Variants in MYH2 observed in about 807,000 individuals in gnomAD.
MYH2 encodes the protein myosin-2.
MYH2 carries 139 observed loss-of-function variants against 228.1 expected under a neutral mutation model. The ratio of observed to expected loss-of-function variants is 0.61; its 90% confidence interval spans 0.53 to 0.70. The LOEUF (loss-of-function observed/expected upper bound fraction) is 0.70. MYH2 is among the 30% of genes least tolerant of loss of function. The pLI is 0.00. For synonymous variants in MYH2, 796 were observed against 871.1 expected (o/e 0.91, Z 1.52); for missense variants, 1,809 against 2,357.5 (o/e 0.77, Z 4.82).
At position 10,545,631 on chromosome 17, in the gene MYH2, C is replaced by T. The variant is rs1033123913; in HGVS notation, c.349-129G>A. The T allele has an allele frequency of 6.5e-5, 82 of 1,260,916 alleles. 3 individuals are homozygous for T. The South Asian group carries it at 7.6e-4, about 12-fold the overall frequency. 78.1% of individuals were successfully genotyped at this position (1,260,916 alleles called of 1,614,324 possible). The stretch of plus-strand genomic sequence containing the variant: ...CCAGGCTGGAGTGCAGTGGTGCTAC[C>T]TCAGCTCACTGCAGCCCCAACCTCC... On this transcript the variant is annotated intron_variant, in intron 4 of 39. Transcript: ENST00000245503.
chr17:10,531,982 C>G (rs563009867), intron 21 of MYH2, 94 bp from the exon 22 acceptor site: 2 of 1,493,072 alleles, frequency 1.3e-6, no homozygotes, highest in African/African-American at 2.8e-5. Flanking sequence ...TCACCTTGTT[C>G]CTACTCTGCT....
Position 10,537,989 on chromosome 17 carries a change from A to G in MYH2, c.1417-154T>C. 7.1e-7 allele frequency: 1 copy of G among 1,405,956 alleles called. No individual in the cohort carries two copies. Among genetic ancestry groups the G allele is most frequent in the Non-Finnish European group, 9.6e-7 (1 of 1,041,010 alleles). The allele number at this position is 1,405,956 out of a possible 1,614,324, so 87.1% of individuals were successfully genotyped here. A position where few individuals can be genotyped will look rare whatever the true frequency, so the allele number is the denominator to read the frequency against. On this transcript the variant is annotated intron_variant, in intron 14 of 39. Coordinates refer to ENST00000245503, the MANE Select transcript of MYH2 (RefSeq NM_017534.6). The surrounding 1 kb of genome is among the most constrained non-coding windows in gnomAD (Gnocchi z 4.0). Reference sequence around the variant, plus strand: ...AGAGACTTTGAAATAAAAGGTGAAAAGTATGGAAGGTTTGAGGGCATGTGG... The same window carrying G: ...AGAGACTTTGAAATAAAAGGTGAAAGGTATGGAAGGTTTGAGGGCATGTGG...
chr17:10,546,969 T>C (rs2073643299), intron 4 of MYH2, among the ~76,000 whole-genome samples: 1 of 150,298 alleles, frequency 6.7e-6, no homozygotes, highest in Non-Finnish European at 1.5e-5. Flanking sequence ...CACATGCCTG[T>C]AATCCCAGCT....
chr17:10,525,017 A>G lies in MYH2; in HGVS notation c.4711T>C (p.Leu1571=), dbSNP rs780401682. Residue 1571 remains leucine, a synonymous_variant, in exon 34 of 40, where the codon TTG becomes CTG. Transcript: ENST00000245503. The surrounding 1 kb of genome is among the most constrained non-coding windows in gnomAD (Gnocchi z 4.2). ...EGKILRIQLE[L]NQVKSEVDRK... is the part of the protein sequence containing the mutation. ...TCAACCTCAGACTTGACTTGGTTCA[A>G]CTCAAGCTGGATGCGCAGGATCTTT... The G allele has an allele frequency of 1.2e-6, 2 of 1,614,096 alleles. No individual in the cohort carries two copies. Among genetic ancestry groups the G allele is most frequent in the East Asian group, 2.2e-5 (1 of 44,870 alleles).
rs534448595 is a variant in MYH2 at position 10,547,721 on chromosome 17, C to T, written c.200G>A (p.Gly67Glu). The change falls in exon 3 of 40, where the codon GGA becomes GAA. Residue 67 changes from glycine (G) to glutamate (E), a missense_variant. Physicochemically the swap from Gly to Glu is moderately conservative, Grantham distance 98 (BLOSUM62 -2). Transcript: ENST00000245503. ...GGKVTVKTEGGATLTVKDDQV... is the reference protein window; with the variant it reads ...GGKVTVKTEGEATLTVKDDQV... Reference sequence around the variant, plus strand: ...AGCTCCTGGGATTCTACTCACCGCTCCTCCCTCAGTCTTCACCGTCACTTT... The same window carrying T: ...AGCTCCTGGGATTCTACTCACCGCTTCTCCCTCAGTCTTCACCGTCACTTT... The T allele has an allele frequency of 3.2e-5, 51 of 1,614,200 alleles. No individual in the cohort carries two copies. The South Asian group carries it at 5.4e-4, about 17-fold the overall frequency.
Position 10,542,982 on chromosome 17 carries a change from A to G in MYH2, c.806-9T>C, listed in dbSNP as rs1234604400. On this transcript the variant is annotated splice_polypyrimidine_tract_variant and intron_variant, in intron 9 of 39. Coordinates refer to ENST00000245503, the MANE Select transcript of MYH2 (RefSeq NM_017534.6). ...AGACTTCTCTAGCAGATCTGGAAGG[A>G]AACAAATAACACATAAGAAAATTGT... 3 of 1,606,608 alleles carry G rather than the reference A, an allele frequency of 1.9e-6. No individual in the cohort carries two copies. Among genetic ancestry groups the G allele is most frequent in the Non-Finnish European group, 2.6e-6 (3 of 1,173,374 alleles).
chr17:10,524,607 G>A lies in MYH2; in HGVS notation c.5034C>T (p.Ala1678=), dbSNP rs1042236. 0.19 allele frequency: 300,692 copies of A among 1,613,808 alleles called. 39,588 individuals are homozygous for A. Among genetic ancestry groups the A allele is most frequent in the East Asian group, 0.74 (33,168 of 44,850 alleles). ...GCAGGTTGGCTCTGCGCTCCACCAT[G>A]GCCAGCTGTTCCTTCAGGTCCTCCT... The part of the protein sequence containing the change: ...RSQEDLKEQL[A]MVERRANLLQ... The change falls in exon 35 of 40, where the codon GCC becomes GCT. Residue 1678 remains alanine, a synonymous_variant. Coordinates refer to ENST00000245503, the MANE Select transcript of MYH2 (RefSeq NM_017534.6). This position sits in a 1 kb window ranked among gnomAD's most constrained non-coding sequence, Gnocchi z 4.7.
intron 19 of MYH2, 102 bp downstream of exon 19, chr17:10,534,968 TGAC>T (rs1295304646): frequency 3.0e-6 from 4 of 1,339,434 alleles, no homozygotes; most frequent in Non-Finnish European, 4.3e-6. Flanking sequence ...CTTCTTTTTG[TGAC>T]AAAACTAACA....
Position 10,531,649 on chromosome 17 carries a change from T to C in MYH2, c.2681A>G (p.Gln894Arg). ...CCAACTCACAGCCTGAACTTGGAGC[T>C]GCAAGTCATTTTTTTCTTTCAACAG... ...VTLLKEKNDLQLQVQAEAEGL... is the reference protein window; with the variant it reads ...VTLLKEKNDLRLQVQAEAEGL... Residue 894 changes from glutamine (Q) to arginine (R), a missense_variant, in exon 22 of 40, where the codon CAG becomes CGG. Gln to Arg is a conservative substitution (Grantham distance 43, BLOSUM62 1). Transcript: ENST00000245503. 1 of 1,614,216 alleles carries C rather than the reference T, an allele frequency of 6.2e-7. No homozygotes were observed. The highest frequency in any genetic ancestry group is 8.5e-7 in the Non-Finnish European group (1 of 1,180,034).
chr17:10,547,603 C>T lies in MYH2; in HGVS notation c.220G>A (p.Asp74Asn), dbSNP rs750098425. 2 of 1,614,044 alleles carry T rather than the reference C, an allele frequency of 1.2e-6. No homozygotes were observed. The highest frequency in any genetic ancestry group is 1.3e-5 in the African/African-American group (1 of 74,908). ...GGGTTCATGGGGAAGACCTGATCAT[C>T]CTTCACTGTCAGAGTCTGGTAAACA... The part of the protein sequence containing the change: ...TEGGATLTVK[D>N]DQVFPMNPPK... The change falls in exon 4 of 40, where the codon GAT becomes AAT. Residue 74 changes from aspartate (D) to asparagine (N), a missense_variant. Asp to Asn is a conservative substitution (Grantham distance 23). Around this residue, in one of 9 missense-constraint regions of MYH2, gnomAD observed 373 missense variants for 620.4 expected, o/e 0.60. Transcript: ENST00000245503.
In MYH2 at chr17:10,535,201, A is replaced by C; in HGVS notation, c.2063-11T>G. 1 of 1,614,076 alleles carries C rather than the reference A, an allele frequency of 6.2e-7. No individual in the cohort carries two copies. Among genetic ancestry groups the C allele is most frequent in the Non-Finnish European group, 8.5e-7 (1 of 1,179,980 alleles). On this transcript the variant is annotated splice_polypyrimidine_tract_variant and intron_variant, in intron 18 of 39. Transcript: ENST00000245503. ...CATGCTCCATGGCACCTAAAAATGCATATTTATTTCACTGCAGAGCTGTTG... is the reference window on the plus strand; with the variant it reads ...CATGCTCCATGGCACCTAAAAATGCCTATTTATTTCACTGCAGAGCTGTTG...
At position 10,539,638 on chromosome 17, in the gene MYH2, A is replaced by G. The variant is rs991891255; in HGVS notation, c.1148-76T>C. On this transcript the variant is annotated intron_variant, in intron 12 of 39. Coordinates refer to ENST00000245503, the MANE Select transcript of MYH2 (RefSeq NM_017534.6). ...CTTCCTTAAAAATATTTTTTAAACT[A>G]CAAGTATTTTGTGCAGTGTTTTAAA... The G allele has an allele frequency of 1.2e-5, 17 of 1,424,046 alleles. No homozygotes were observed. In the African/African-American group the frequency reaches 2.3e-4, roughly 19 times the overall value. The allele number at this position is 1,424,046 out of a possible 1,614,324, so 88.2% of individuals were successfully genotyped here. A position where few individuals can be genotyped will look rare whatever the true frequency, so the allele number is the denominator to read the frequency against.
Position 10,529,623 on chromosome 17 carries a change from C to A in MYH2, c.3058G>T (p.Glu1020Ter). The change falls in exon 24 of 40, where the codon GAG becomes TAG. Residue 1020 changes from glutamate to a stop codon, truncating the protein, a stop_gained. Coordinates refer to ENST00000245503, the MANE Select transcript of MYH2 (RefSeq NM_017534.6). LOFTEE classifies it high-confidence loss of function. ...QQTLDDLQAEEDKVNTLTKAK... is the reference protein window; with the variant it reads ...QQTLDDLQAE ...TTGGTCAGGGTGTTGACTTTGTCCTCCTCTGCCTGCAGGTCATCCAGGGTC... is the reference window on the plus strand; with the variant it reads ...TTGGTCAGGGTGTTGACTTTGTCCTACTCTGCCTGCAGGTCATCCAGGGTC... 1 of 1,614,108 alleles carries A rather than the reference C, an allele frequency of 6.2e-7. No individual in the cohort carries two copies. The highest frequency in any genetic ancestry group is 8.5e-7 in the Non-Finnish European group (1 of 1,180,022).
chr17:10,545,258 A>G, intron 5 of MYH2, 88 bp downstream of exon 5: 1 of 1,608,672 alleles, frequency 6.2e-7, no homozygotes, highest in South Asian at 1.1e-5. Flanking sequence ...GACGATCTCA[A>G]GGAATGTGTT....
In MYH2 at chr17:10,525,077, C is replaced by G; in HGVS notation, c.4663-12G>C. 6.2e-7 allele frequency: 1 copy of G among 1,614,100 alleles called. No individual in the cohort carries two copies. On this transcript the variant is annotated splice_polypyrimidine_tract_variant and intron_variant, in intron 33 of 39. Coordinates refer to ENST00000245503, the MANE Select transcript of MYH2 (RefSeq NM_017534.6). This position sits in a 1 kb window ranked among gnomAD's most constrained non-coding sequence, Gnocchi z 4.2. ...TGTTCAAGAGATGCCTTAATGACAG[C>G]AAGAGGTGACATTAGCAAGGAACCA...
In MYH2 at chr17:10,529,603, C is replaced by T; in HGVS notation, c.3078G>A (p.Leu1026=). The T allele has an allele frequency of 6.2e-7, 1 of 1,614,160 alleles. No individual in the cohort carries two copies. Among genetic ancestry groups the T allele is most frequent in the Non-Finnish European group, 8.5e-7 (1 of 1,180,046 alleles). ...GTTCAAGTTTGATTTTAGCTTTGGT[C>T]AGGGTGTTGACTTTGTCCTCCTCTG... The part of the protein sequence containing the change: ...LQAEEDKVNT[L]TKAKIKLEQQ... The change falls in exon 24 of 40, where the codon CTG becomes CTA. Residue 1026 remains leucine, a synonymous_variant. Coordinates refer to ENST00000245503, the MANE Select transcript of MYH2 (RefSeq NM_017534.6).
Position 10,531,764 on chromosome 17 carries a change from C to G in MYH2, c.2566G>C (p.Ala856Pro). The stretch of plus-strand genomic sequence containing the variant: ...TTCTGAAATTCTTCCTTCATGGTGG[C>G]CATCTCCTTCTCAGTTTCTGCACTC... ...LKSAETEKEM[A>P]TMKEEFQKIK... is the part of the protein sequence containing the mutation. The change falls in exon 22 of 40, where the codon GCC becomes CCC. Residue 856 changes from alanine (A) to proline (P), a missense_variant. Ala to Pro is a conservative substitution (Grantham distance 27). Around this residue, in one of 9 missense-constraint regions of MYH2, gnomAD observed 276 missense variants for 344.2 expected, o/e 0.80. Coordinates refer to ENST00000245503, the MANE Select transcript of MYH2 (RefSeq NM_017534.6). The G allele has an allele frequency of 6.2e-7, 1 of 1,614,170 alleles. No individual in the cohort carries two copies. The highest frequency in any genetic ancestry group is 1.7e-5 in the Admixed American group (1 of 60,024).
intron 10 of MYH2, 123 bp from the exon 11 acceptor site, chr17:10,540,820 C>T (rs556736356): frequency 3.7e-5 from 27 of 738,846 alleles, no homozygotes; most frequent in Admixed American, 7.1e-5. Flanking sequence ...ATAGAGGGAC[C>T]GGCTGAAGCC....
intron 16 of MYH2, 79 bp from the exon 17 acceptor site, chr17:10,536,685 A>T: frequency 1.5e-6 from 2 of 1,349,320 alleles, no homozygotes; most frequent in Non-Finnish European, 1.0e-6. Context: ...TTCTGTGTTC[A>T]TCGAGTGGAG....
Sources: allele counts gnomAD v4.1 joint callset (sites outside exome capture counted in the v4.1 genomes callset), GRCh38; gene constraint gnomAD v4.1.1; regional missense constraint gnomAD v4.1.1; non-coding constraint Gnocchi (gnomAD v3.1); transcripts MANE v1.5; gene names NCBI Gene and HGNC (gene_info 2026-07-23, HGNC 2026-07-21).